Variants in BBX observed in about 807,000 individuals in gnomAD.
BBX encodes the protein HMG box transcription factor BBX.
Under a neutral mutation model 100.2 loss-of-function variants are expected in BBX, and 30 were observed. The ratio of observed to expected loss-of-function variants is 0.30; its 90% CI spans 0.22 to 0.41. The LOEUF is 0.41. BBX is among the 10% of genes least tolerant of loss of function. The pLI, the probability that BBX is intolerant of heterozygous loss-of-function variation, is 1.00. For missense variants in BBX, 1,023 were observed against 1,129.8 expected (o/e 0.91, Z 1.35); for synonymous variants, 376 against 388.1 (o/e 0.97, Z 0.37).
intron 2 of BBX, among the ~76,000 whole-genome samples, chr3:107,640,161 G>C (rs2057103123): frequency 6.6e-6 from 1 of 152,092 alleles, no homozygotes; most frequent in East Asian, 1.9e-4. Context: ...TTAGGAATTG[G>C]CCCACAATTG....
chr3:107,573,777 A>C (rs990066402), intron 2 of BBX, among the ~76,000 whole-genome samples: 8 of 152,110 alleles, frequency 5.3e-5, no homozygotes, highest in African/African-American at 1.9e-4. Context: ...CCCAGGCTGG[A>C]GTGCAATGGC....
At chr3:107,555,379 G>A (rs992117876) in intron 2 of BBX, among the ~76,000 whole-genome samples, 1 of 152,134 alleles carries the variant, frequency 6.6e-6, no homozygotes, top group African/African-American at 2.4e-5. Context: ...CAAAGGGAAG[G>A]TAATATGCAA....
intron 2 of BBX, among the ~76,000 whole-genome samples, chr3:107,615,744 T>A (rs1226619739): frequency 6.6e-6 from 1 of 152,206 alleles, no homozygotes; most frequent in Non-Finnish European, 1.5e-5. Context: ...GAGCTTGAAA[T>A]GCCTCTCAGA....
intron 2 of BBX, among the ~76,000 whole-genome samples, chr3:107,545,925 C>T (rs1413450510): frequency 6.6e-6 from 1 of 152,170 alleles, no homozygotes; most frequent in Non-Finnish European, 1.5e-5. Flanking sequence ...TACTAATCCT[C>T]CTCACAGTTT....
At chr3:107,801,393 A>G in intron 17 of BBX, 112 bp downstream of exon 17, 2 of 1,158,198 alleles carry the variant, frequency 1.7e-6, no homozygotes, top group South Asian at 3.2e-5. Flanking sequence ...GTTCAAGAGC[A>G]CTATTGGTTA....
chr3:107,767,277 G>A (rs2066472986), intron 10 of BBX, among the ~76,000 whole-genome samples: 1 of 152,112 alleles, frequency 6.6e-6, no homozygotes, highest in Non-Finnish European at 1.5e-5. Flanking sequence ...GACACTGGCA[G>A]GAGACTGGGA....
chr3:107,725,402 C>G (rs2062848079), intron 5 of BBX, among the ~76,000 whole-genome samples: 1 of 152,110 alleles, frequency 6.6e-6, no homozygotes, highest in Non-Finnish European at 1.5e-5. Context: ...CCCTTTATTT[C>G]TTTCTCCTGC....
At chr3:107,761,640 G>T (rs16853818) in intron 10 of BBX, among the ~76,000 whole-genome samples, 1,971 of 152,310 alleles carry the variant, frequency 0.013, 37 homozygotes, top group African/African-American at 0.045. Context: ...CTTCGGGAAG[G>T]CTGGTTGCAA....
intron 7 of BBX, 118 bp downstream of exon 7, chr3:107,733,141 A>G (rs2063414842): frequency 2.4e-6 from 2 of 847,106 alleles, no homozygotes; most frequent in Non-Finnish European, 3.6e-6. Flanking sequence ...AACAAACTTT[A>G]TAATCTTTCT....
intron 2 of BBX, among the ~76,000 whole-genome samples, chr3:107,603,089 A>G (rs909236321): frequency 5.9e-5 from 9 of 151,320 alleles, no homozygotes; most frequent in Admixed American, 2.0e-4. Flanking sequence ...TCAGCCTCCC[A>G]AGTAGCTGGG....
chr3:107,716,287 AG>A (rs553869447), intron 4 of BBX, among the ~76,000 whole-genome samples: 126 of 152,292 alleles, frequency 8.3e-4, no homozygotes, highest in African/African-American at 2.9e-3. Flanking sequence ...ATGGTTGTAA[AG>A]GTGAATAAGA....
intron 10 of BBX, among the ~76,000 whole-genome samples, chr3:107,760,459 G>A (rs2065811397): frequency 1.3e-5 from 2 of 152,306 alleles, no homozygotes; most frequent in Middle Eastern, 3.4e-3. Context: ...ATGTGCTTTG[G>A]AAGATACTGT....
At chr3:107,723,810 T>C (rs987708288) in intron 5 of BBX, among the ~76,000 whole-genome samples, 66 of 152,302 alleles carry the variant, frequency 4.3e-4, no homozygotes, top group African/African-American at 1.5e-3. Flanking sequence ...CAGACTATCA[T>C]TGTTGGACAT....
chr3:107,661,324 G>A (rs2058433091), intron 3 of BBX, among the ~76,000 whole-genome samples: 1 of 152,088 alleles, frequency 6.6e-6, no homozygotes, highest in Admixed American at 6.5e-5. Context: ...AAAAGCAGTG[G>A]ATTTTGGAAT....
intron 13 of BBX, among the ~76,000 whole-genome samples, chr3:107,783,150 T>G (rs535236743): frequency 6.6e-6 from 1 of 152,276 alleles, no homozygotes; most frequent in African/African-American, 2.4e-5. Context: ...CTATGCTGAT[T>G]GGCAGAAATC....
chr3:107,659,555 T>A, intron 3 of BBX: 1 of 314,480 alleles, frequency 3.2e-6, no homozygotes, highest in Non-Finnish European at 6.1e-6. Context: ...TTCTTTTTCT[T>A]CTCATTTTTT....
chr3:107,805,501 A>G lies in BBX; in HGVS notation c.*44A>G. ...AACATTGTGCTTTACCTACTACCCT[A>G]GCCTTGTCTTTACCGAGGGATGCTA... On this transcript the variant is annotated 3_prime_UTR_variant, in exon 18 of 18. Coordinates refer to ENST00000325805, the MANE Select transcript of BBX (RefSeq NM_001142568.3). 6.2e-7 allele frequency: 1 copy of G among 1,613,930 alleles called. No individual in the cohort carries two copies. The highest frequency in any genetic ancestry group is 8.5e-7 in the Non-Finnish European group (1 of 1,179,856).
At chr3:107,696,834 C>G (rs919147734) in intron 3 of BBX, among the ~76,000 whole-genome samples, 1 of 151,486 alleles carries the variant, frequency 6.6e-6, no homozygotes, top group Non-Finnish European at 1.5e-5. Context: ...TTCAGGTACA[C>G]CAATCAGACA....
chr3:107,707,950 G>C (rs1436351562), intron 3 of BBX, among the ~76,000 whole-genome samples: 1 of 152,148 alleles, frequency 6.6e-6, no homozygotes, highest in Non-Finnish European at 1.5e-5. Flanking sequence ...CTCTCCAACT[G>C]ATAGAAGTTG....
Sources: gnomAD v4.1 joint callset for allele counts (sites outside exome capture counted in the v4.1 genomes callset) on GRCh38, gnomAD v4.1.1 for gene constraint, MANE v1.5 for transcripts, NCBI Gene and HGNC (gene_info 2026-07-23, HGNC 2026-07-21) for gene names.